LDLRAP1: variants seen among roughly 807,000 people sequenced by gnomAD.
The protein encoded by LDLRAP1 is low density lipoprotein receptor adapter protein 1.
Under a neutral mutation model 37.8 loss-of-function variants are expected in LDLRAP1, and 30 were observed. The observed-to-expected ratio is 0.79, with a 90% CI of 0.59 to 1.08. LDLRAP1 has a LOEUF of 1.08. Ranked by LOEUF, LDLRAP1 falls within the 50% of genes least tolerant of loss-of-function variation. The pLI is 0.00. For synonymous variants in LDLRAP1, 156 were observed against 169.8 expected, an observed-to-expected ratio of 0.92 and a Z score of 0.63; for missense variants, 375 against 401.6, an observed-to-expected ratio of 0.93 and a Z score of 0.57.
chr1:25,576,718 C>G, the LDLRAP1 span, among the ~76,000 whole-genome samples: 1 of 152,238 alleles, frequency 6.6e-6, no homozygotes, highest in South Asian at 2.1e-4. Flanking sequence ...AAGGCCAATC[C>G]TAACCCAACA....
At chr1:25,566,484 T>C (rs113013314) in intron 8 of LDLRAP1, among the ~76,000 whole-genome samples, 5 of 152,246 alleles carry the variant, frequency 3.3e-5, no homozygotes, top group African/African-American at 1.2e-4. Flanking sequence ...TTGACACAGT[T>C]ATAGCCAAAG....
chr1:25,559,367 G>A (rs1169232334), intron 4 of LDLRAP1, among the ~76,000 whole-genome samples: 1 of 152,144 alleles, frequency 6.6e-6, no homozygotes, highest in Non-Finnish European at 1.5e-5. Flanking sequence ...TTACAAGGGA[G>A]ACCTGGCCTG....
At chr1:25,543,901 C>G (rs1489385676) in intron 1 of LDLRAP1, 115 bp downstream of exon 1, 1 of 592,230 alleles carries the variant, frequency 1.7e-6, no homozygotes, top group Non-Finnish European at 2.4e-6. Flanking sequence ...ACCGGCGCTC[C>G]GGTCCCGGCG....
rs1404936311 is a variant in LDLRAP1, at chr1:25,557,285, G to T, written c.459+18G>T. On this transcript the variant is annotated intron_variant, in intron 4 of 8. Transcript: ENST00000374338. ...GGAAGATGGTCAGCGGGGAGGGCTG[G>T]GGCGGGGACAGGGTCCAGTGGCCTT... The T allele has an allele frequency of 1.3e-6, 2 of 1,590,622 alleles. No individual in the cohort carries two copies. Among genetic ancestry groups the T allele is most frequent in the African/African-American group, 2.7e-5 (2 of 74,514 alleles).
the LDLRAP1 span, among the ~76,000 whole-genome samples, chr1:25,580,842 TC>T: frequency 6.6e-6 from 1 of 152,186 alleles, no homozygotes; most frequent in African/African-American, 2.4e-5. Flanking sequence ...GTTGCTTTTA[TC>T]AACCCCATTT....
At chr1:25,587,915 A>C in the LDLRAP1 span, among the ~76,000 whole-genome samples, 2 of 151,886 alleles carry the variant, frequency 1.3e-5, no homozygotes. Context: ...GACATAAGAG[A>C]CTCCATTTTG....
At chr1:25,573,776 C>T (rs1484623113), downstream of LDLRAP1, among the ~76,000 whole-genome samples, 4 of 152,296 alleles carry the variant, frequency 2.6e-5, no homozygotes, top group East Asian at 5.8e-4. Flanking sequence ...GACAGCACCC[C>T]GGGGCTATTT....
intron 1 of LDLRAP1, chr1:25,550,053 G>A (rs1467596558): frequency 6.6e-6 from 1 of 152,348 alleles, no homozygotes; most frequent in Non-Finnish European, 1.5e-5. Flanking sequence ...AAAGGGAAGA[G>A]ACGTGTAGGC....
chr1:25,575,220 C>A, the LDLRAP1 span, among the ~76,000 whole-genome samples: 1 of 152,082 alleles, frequency 6.6e-6, no homozygotes. Flanking sequence ...AACCTGGGGG[C>A]CTCCTGGGAA....
rs762262354 is a variant in LDLRAP1, at chr1:25,555,691, G to T, written c.344+719G>T. On this transcript the variant is annotated intron_variant, in intron 3 of 8. Coordinates refer to ENST00000374338, the MANE Select transcript of LDLRAP1 (RefSeq NM_015627.3). The surrounding 1 kb of genome is among the most constrained non-coding windows in gnomAD (Gnocchi z 4.7). The stretch of plus-strand genomic sequence containing the variant: ...TGTCTCTAAGCAGATGGCTCAGCCC[G>T]TTGGTGCACAGGCCAGTAGTAGGGT... 6.6e-6 allele frequency among the ~76,000 whole-genome samples: 1 copy of T among 152,202 alleles called. No homozygotes were observed.
chr1:25,560,801 A>AG lies in LDLRAP1; in HGVS notation c.460-1841dup, dbSNP rs1356158720. Among the ~76,000 whole-genome samples, 7 of 152,246 alleles carry AG rather than the reference A, an allele frequency of 4.6e-5. No individual in the cohort carries two copies. The East Asian group carries it at 1.3e-3, about 29-fold the overall frequency. ...ACTCAGGATAATAAGGCAGACCCGA[A>AG]GGCCAGAGGCAGTCAGGAGGGGTGG... On this transcript the variant is annotated intron_variant, in intron 4 of 8. Transcript: ENST00000374338.
intron 5 of LDLRAP1, 161 bp downstream of exon 5, chr1:25,562,877 A>G: frequency 2.5e-6 from 2 of 814,830 alleles, no homozygotes; most frequent in East Asian, 2.6e-5. Flanking sequence ...CCATCTGAAA[A>G]ATGGGAACAG....
Position 25,563,766 on chromosome 1 carries a change from C to T in LDLRAP1, c.722C>T (p.Ala241Val), listed in dbSNP as rs533527945. 6.2e-7 allele frequency: 1 copy of T among 1,614,008 alleles called. No homozygotes were observed. The highest frequency in any genetic ancestry group is 8.5e-7 in the Non-Finnish European group (1 of 1,180,036). ...ATGGACGAGGTGCCGCGGCCACAAG[C>T]CTTGAGTGGCAGCAGTGTTGTCTGG... Reference protein sequence around the residue: ...TNMDEVPRPQALSGSSVVWEL... With the variant: ...TNMDEVPRPQVLSGSSVVWEL... Residue 241 changes from alanine (A) to valine (V), a missense_variant, in exon 7 of 9, where the codon GCC becomes GTC. Physicochemically the swap from Ala to Val is moderately conservative, Grantham distance 64. Transcript: ENST00000374338.
intron 1 of LDLRAP1, among the ~76,000 whole-genome samples, chr1:25,549,752 G>A (rs544863010): frequency 5.8e-4 from 67 of 114,772 alleles, no homozygotes; most frequent in African/African-American, 4.2e-3. Context: ...GAGTAGGGCG[G>A]GTGGCGGGTG....
At chr1:25,570,072 T>C (rs2044582722), downstream of LDLRAP1, among the ~76,000 whole-genome samples, 1 of 152,192 alleles carries the variant, frequency 6.6e-6, no homozygotes, top group East Asian at 1.9e-4. Context: ...ATGTATCTCT[T>C]TATCCCTTTG....
the LDLRAP1 span, among the ~76,000 whole-genome samples, chr1:25,575,818 A>C: frequency 1.3e-5 from 2 of 152,340 alleles, no homozygotes; most frequent in East Asian, 3.9e-4. Context: ...GAATGGGTAC[A>C]GGCCCCATTT....
At chr1:25,562,525 T>A in intron 4 of LDLRAP1, 119 bp from the exon 5 acceptor site, 1 of 809,744 alleles carries the variant, frequency 1.2e-6, no homozygotes, top group Non-Finnish European at 2.1e-6. Flanking sequence ...GGGATGGAGC[T>A]GCAGAAGCTG....
chr1:25,563,911 C>T lies in LDLRAP1; in HGVS notation c.747+120C>T, dbSNP rs965521720. 5.3e-6 allele frequency: 7 copies of T among 1,332,844 alleles called. No homozygotes were observed. In the Admixed American group the frequency reaches 9.0e-5, roughly 17 times the overall value. 82.6% of individuals were successfully genotyped at this position (1,332,844 alleles called of 1,614,324 possible). A position where few individuals can be genotyped will look rare whatever the true frequency, so the allele number is the denominator to read the frequency against. ...CTTGTGGGCCTCTGGGAGGACCAGA[C>T]CCAGCCCGGTAGTGCCCAGGCGCAG... On this transcript the variant is annotated intron_variant, in intron 7 of 8. Transcript: ENST00000374338.
intron 1 of LDLRAP1, among the ~76,000 whole-genome samples, chr1:25,553,100 G>A (rs1002091425): frequency 1.3e-5 from 2 of 151,100 alleles, no homozygotes; most frequent in African/African-American, 4.9e-5. Flanking sequence ...CCTCCCACAT[G>A]CCCCTGTTGG....
Sources: allele counts gnomAD v4.1 joint callset (sites outside exome capture counted in the v4.1 genomes callset), GRCh38; gene constraint gnomAD v4.1.1; non-coding constraint Gnocchi (gnomAD v3.1); transcripts MANE v1.5; gene names NCBI Gene and HGNC (gene_info 2026-07-23, HGNC 2026-07-21).